Variants in NAV3 observed in about 807,000 individuals in gnomAD.
NAV3 encodes neuron navigator 3.
Under a neutral mutation model 244.7 loss-of-function variants are expected in NAV3, and 87 were observed. The ratio of observed to expected loss-of-function variants is 0.36; its 90% CI spans 0.30 to 0.42. NAV3 has a LOEUF of 0.42. Ranked by LOEUF, NAV3 falls within the 20% of genes least tolerant of loss-of-function variation. The pLI, the probability that NAV3 is intolerant of heterozygous loss-of-function variation, is 1.00. For synonymous variants in NAV3, 1,126 were observed against 1,042.2 expected (o/e 1.08, Z -1.55); for missense variants, 2,663 against 2,893.3 (o/e 0.92, Z 1.83).
At chr12:77,818,487 A>G (rs1365959073) in intron 2 of NAV3, among the ~76,000 whole-genome samples, 1 of 152,104 alleles carries the variant, frequency 6.6e-6, no homozygotes, top group Non-Finnish European at 1.5e-5. Flanking sequence ...TGTTTGCTCA[A>G]AGTTTTCTGT....
chr12:78,041,825 TTAAA>T (rs1434397668), intron 9 of NAV3, among the ~76,000 whole-genome samples: 7 of 152,206 alleles, frequency 4.6e-5, no homozygotes, highest in Non-Finnish European at 1.0e-4. Context: ...AATTAACAGA[TTAAA>T]TAGTTAGCTA....
At chr12:78,118,384 T>C (rs1955517369) in intron 14 of NAV3, 87 bp downstream of exon 14, 1 of 1,462,540 alleles carries the variant, frequency 6.8e-7, no homozygotes, top group Non-Finnish European at 9.2e-7. Flanking sequence ...CAATAGCATT[T>C]CTAAAATACC....
At chr12:77,866,706 G>A (rs1040972922) in intron 1 of NAV3, among the ~76,000 whole-genome samples, 18 of 152,092 alleles carry the variant, frequency 1.2e-4, no homozygotes, top group African/African-American at 3.4e-4. Flanking sequence ...ATGGTATATC[G>A]TAACTGTATA....
At chr12:77,639,820 G>C (rs1339383218) in intron 2 of NAV3, among the ~76,000 whole-genome samples, 2 of 152,134 alleles carry the variant, frequency 1.3e-5, no homozygotes, top group Admixed American at 6.6e-5. Flanking sequence ...TGCTTACACA[G>C]AAATGTGGCA....
intron 1 of NAV3, among the ~76,000 whole-genome samples, chr12:77,864,355 G>A (rs1173263216): frequency 6.6e-6 from 1 of 151,716 alleles, no homozygotes; most frequent in African/African-American, 2.4e-5. Context: ...TATGGCTTTG[G>A]GTGCATTTCA....
intron 2 of NAV3, among the ~76,000 whole-genome samples, chr12:77,673,659 C>G (rs1445889495): frequency 6.6e-6 from 1 of 151,956 alleles, no homozygotes; most frequent in African/African-American, 2.4e-5. Flanking sequence ...TGTTTGATAT[C>G]AAACCTTTCC....
At position 78,177,322 on chromosome 12, in the gene NAV3, C is replaced by T. The variant is rs569514446; in HGVS notation, c.5297+9C>T. 2.6e-5 allele frequency: 42 copies of T among 1,597,362 alleles called. No individual in the cohort carries two copies. The Admixed American group carries it at 4.4e-4, about 17-fold the overall frequency. The stretch of plus-strand genomic sequence containing the variant: ...TCACAATCTGCTTCAGCGTAAGTTG[C>T]TCCTTCTGCAAAATGCAGACATATT... On this transcript the variant is annotated intron_variant, in intron 27 of 39. Transcript: ENST00000397909.
chr12:77,880,116 A>G (rs1882436545), intron 1 of NAV3, among the ~76,000 whole-genome samples: 1 of 152,166 alleles, frequency 6.6e-6, no homozygotes, highest in South Asian at 2.1e-4. Flanking sequence ...ATAGGTGACA[A>G]TGAATAGGGG....
intron 39 of NAV3, among the ~76,000 whole-genome samples, chr12:78,206,323 T>A: frequency 6.6e-6 from 1 of 152,168 alleles, no homozygotes; most frequent in East Asian, 1.9e-4. Flanking sequence ...GAAATTGGTT[T>A]GGATTCAGCA....
Sources: gnomAD v4.1 joint callset for allele counts (sites outside exome capture counted in the v4.1 genomes callset) on GRCh38, gnomAD v4.1.1 for gene constraint, MANE v1.5 for transcripts, NCBI Gene and HGNC (gene_info 2026-07-23, HGNC 2026-07-21) for gene names.